CRCP: variants seen among roughly 807,000 people sequenced by gnomAD.
The protein encoded by CRCP is DNA-directed RNA polymerase III subunit RPC9.
A neutral mutation model predicts 18.5 loss-of-function variants in CRCP; 18 were observed. That is an observed-to-expected ratio of 0.97 (90% CI 0.67 to 1.44). CRCP has a LOEUF of 1.44. Among genes scored for constraint, CRCP ranks in the 40% most tolerant of loss-of-function variants. The pLI is 0.00. For missense variants in CRCP, 130 were observed against 176.4 expected (o/e 0.74, Z 1.49); for synonymous variants, 53 against 62.9 (o/e 0.84, Z 0.75).
intron 1 of CRCP, among the ~76,000 whole-genome samples, chr7:66,120,361 T>C (rs1312124027): frequency 6.6e-6 from 1 of 152,218 alleles, no homozygotes; most frequent in Non-Finnish European, 1.5e-5. Context: ...GTGAAATGGT[T>C]TGAATCACGG....
At chr7:66,125,934 G>A (rs1976200) in intron 1 of CRCP, among the ~76,000 whole-genome samples, 89,944 of 148,470 alleles carry the variant, frequency 0.61, 30,613 homozygotes, top group African/African-American at 0.73. Context: ...AAGCCAGTGG[G>A]CAGATTTCCT....
At chr7:66,147,149 C>T (rs549904419) in intron 5 of CRCP, among the ~76,000 whole-genome samples, 24 of 152,198 alleles carry the variant, frequency 1.6e-4, no homozygotes, top group Non-Finnish European at 2.6e-4. Context: ...CAAGACCAGC[C>T]TGGCTAAAGT....
At chr7:66,124,614 A>C (rs1409032749) in intron 1 of CRCP, among the ~76,000 whole-genome samples, 1 of 149,920 alleles carries the variant, frequency 6.7e-6, no homozygotes, top group Non-Finnish European at 1.5e-5. Context: ...AAACTCCGGG[A>C]CGAAGTGATC....
At chr7:66,135,781 C>T (rs1473920143) in intron 4 of CRCP, among the ~76,000 whole-genome samples, 1 of 152,072 alleles carries the variant, frequency 6.6e-6, no homozygotes, top group African/African-American at 2.4e-5. Flanking sequence ...ATTAGCTGGG[C>T]GTGCTGGCAC....
intron 1 of CRCP, among the ~76,000 whole-genome samples, chr7:66,119,131 T>C (rs1787359013): frequency 6.6e-6 from 1 of 152,162 alleles, no homozygotes; most frequent in African/African-American, 2.4e-5. Flanking sequence ...GTGTCTGCAC[T>C]CAGTCTTAGT....
rs1173689860 is a variant in CRCP at position 66,154,006 on chromosome 7, A to T, written c.*1649A>T. On this transcript the variant is annotated 3_prime_UTR_variant, in exon 6 of 6. Coordinates refer to ENST00000395326, the MANE Select transcript of CRCP (RefSeq NM_014478.5). Reference sequence around the variant, plus strand: ...AACCGGGGAGGCAGAGGTTGCAGTGAGCCAGATCGTGCATTGCACTCCAGC... The same window carrying T: ...AACCGGGGAGGCAGAGGTTGCAGTGTGCCAGATCGTGCATTGCACTCCAGC... 2 of 150,348 alleles carry T rather than the reference A, an allele frequency of 1.3e-5. No homozygotes were observed. Among genetic ancestry groups the T allele is most frequent in the African/African-American group, 4.9e-5 (2 of 41,014 alleles). The allele number at this position is 150,348 out of a possible 1,614,324, so 9.3% of individuals were successfully genotyped here.
At chr7:66,125,375 G>A (rs1787590031) in intron 1 of CRCP, among the ~76,000 whole-genome samples, 1 of 149,274 alleles carries the variant, frequency 6.7e-6, no homozygotes, top group Non-Finnish European at 1.5e-5. Flanking sequence ...GGTAGATAAA[G>A]TACCTCTTGA....
At chr7:66,147,433 G>T (rs316319) in intron 5 of CRCP, among the ~76,000 whole-genome samples, 132,372 of 152,112 alleles carry the variant, frequency 0.87, 58,018 homozygotes, top group East Asian at 0.97. Context: ...TCGAATGCCC[G>T]CCCCATAGTC....
intron 1 of CRCP, among the ~76,000 whole-genome samples, chr7:66,120,347 C>T (rs1353019329): frequency 1.3e-5 from 2 of 152,116 alleles, no homozygotes; most frequent in Non-Finnish European, 2.9e-5. Context: ...TCTGATTTTC[C>T]TAAGTGAAAT....
intron 2 of CRCP, among the ~76,000 whole-genome samples, chr7:66,129,929 A>ACT (rs1304876014): frequency 4.6e-5 from 7 of 152,074 alleles, no homozygotes; most frequent in Admixed American, 1.3e-4. Context: ...TGCCCCCAGC[A>ACT]CTAATACATG....
Position 66,145,453 on chromosome 7 carries a change from C to T in CRCP, c.250C>T (p.Leu84Phe). ...ACTTTCCCTCCACAGAGCTGAGAAGCTCCAGCTGCTGAACCACCGGCCTGT... is the reference window on the plus strand; with the variant it reads ...ACTTTCCCTCCACAGAGCTGAGAAGTTCCAGCTGCTGAACCACCGGCCTGT... ...KSHKLTKAEK[L>F]QLLNHRPVTA... The change falls in exon 5 of 6, where the codon CTC (leucine) becomes TTC (phenylalanine). Residue 84 changes from leucine (L) to phenylalanine (F), a missense_variant. Leu to Phe is a conservative substitution (Grantham distance 22). Coordinates refer to ENST00000395326, the MANE Select transcript of CRCP (RefSeq NM_014478.5). 1 of 1,613,950 alleles carries T rather than the reference C, an allele frequency of 6.2e-7. No homozygotes were observed. The highest frequency in any genetic ancestry group is 8.5e-7 in the Non-Finnish European group (1 of 1,179,888).
intron 1 of CRCP, among the ~76,000 whole-genome samples, chr7:66,122,841 C>G (rs1787487362): frequency 6.6e-6 from 1 of 152,030 alleles, no homozygotes; most frequent in Non-Finnish European, 1.5e-5. Flanking sequence ...CTCACATGGT[C>G]TCTCCTCTGT....
intron 4 of CRCP, among the ~76,000 whole-genome samples, chr7:66,135,952 C>G (rs971799254): frequency 2.0e-5 from 3 of 152,008 alleles, no homozygotes; most frequent in Non-Finnish European, 4.4e-5. Context: ...TCTTGGAGTC[C>G]CAGTTTGTAT....
At chr7:66,115,031 G>C in intron 1 of CRCP, 61 bp downstream of exon 1, 1 of 1,582,146 alleles carries the variant, frequency 6.3e-7, no homozygotes, top group Non-Finnish European at 8.6e-7. Context: ...ACCGCTGAGA[G>C]CTGAGAGCCG....
At chr7:66,147,338 T>TG (rs1164726431) in intron 5 of CRCP, among the ~76,000 whole-genome samples, 1 of 88,304 alleles carries the variant, frequency 1.1e-5, no homozygotes. Context: ...GACTCCATCT[T>TG]GGGAAAAAAA....
rs191604288 is a variant in CRCP, at chr7:66,130,032, C to T, written c.46-712C>T. On this transcript the variant is annotated intron_variant, in intron 2 of 5. Transcript: ENST00000395326. ...GGGTAAACTCTGTCTTATCACTTGC[C>T]TCAAAATTTTTCTTTTCCAGAAAGA... 3.9e-5 allele frequency: 11 copies of T among 283,786 alleles called. No homozygotes were observed. The East Asian group carries it at 5.3e-4, about 14-fold the overall frequency. The allele number at this position is 283,786 out of a possible 1,614,324, so 17.6% of individuals were successfully genotyped here.
At chr7:66,148,546 C>T (rs1788365734) in intron 5 of CRCP, among the ~76,000 whole-genome samples, 1 of 152,156 alleles carries the variant, frequency 6.6e-6, no homozygotes, top group Non-Finnish European at 1.5e-5. Flanking sequence ...AGGCTGAAGC[C>T]TCACCTCTTC....
intron 2 of CRCP, 75 bp downstream of exon 2, chr7:66,127,815 A>G: frequency 6.5e-7 from 1 of 1,528,784 alleles, no homozygotes; most frequent in Non-Finnish European, 9.1e-7. Flanking sequence ...GATTTTGGTT[A>G]GAAATGACTG....
At chr7:66,133,848 T>C (rs1787885613) in intron 3 of CRCP, among the ~76,000 whole-genome samples, 1 of 142,946 alleles carries the variant, frequency 7.0e-6, no homozygotes, top group Non-Finnish European at 1.5e-5. Context: ...TTTTTTTTCT[T>C]TTTTGTTTTC....
Sources: gnomAD v4.1 joint callset for allele counts (sites outside exome capture counted in the v4.1 genomes callset) on GRCh38, gnomAD v4.1.1 for gene constraint, MANE v1.5 for transcripts, NCBI Gene and HGNC (gene_info 2026-07-23, HGNC 2026-07-21) for gene names.